VWA5B1: variants seen among roughly 807,000 people sequenced by gnomAD.
VWA5B1 encodes von Willebrand factor A domain-containing protein 5B1.
In VWA5B1, 115 loss-of-function variants were observed where a neutral mutation model predicts 118.2. The ratio of observed to expected loss-of-function variants is 0.97; its 90% CI spans 0.84 to 1.14. The LOEUF is 1.14. VWA5B1 is among the 50% of genes most tolerant of loss of function. VWA5B1 has a pLI of 0.00. For synonymous variants in VWA5B1, 682 were observed against 658.4 expected, an observed-to-expected ratio of 1.04 and a Z score of -0.55; for missense variants, 1,596 against 1,603.8, an observed-to-expected ratio of 1.00 and a Z score of 0.08.
rs200553496 is a variant in VWA5B1 at position 20,292,186 on chromosome 1, T to A, written c.-27+1098T>A. Among the ~76,000 whole-genome samples, 32 of 151,694 alleles carry A rather than the reference T, an allele frequency of 2.1e-4. No homozygotes were observed. In the East Asian group the frequency reaches 5.6e-3, roughly 27 times the overall value. The stretch of plus-strand genomic sequence containing the variant: ...TTTCTTTCCTCCCCCCCTCCTGTCC[T>A]CCCTTACCTCCTTCCTTCTTTTTTT... On this transcript the variant is annotated intron_variant, in intron 1 of 21. Coordinates refer to ENST00000289815, the MANE Select transcript of VWA5B1 (RefSeq NM_001039500.3).
chr1:20,353,785 T>C lies in VWA5B1; in HGVS notation c.3170T>C (p.Phe1057Ser). 1 of 1,468,644 alleles carries C rather than the reference T, an allele frequency of 6.8e-7. No individual in the cohort carries two copies. The highest frequency in any genetic ancestry group is 2.5e-5 in the East Asian group (1 of 40,272). 91.0% of individuals were successfully genotyped at this position (1,468,644 alleles called of 1,614,324 possible). The part of the protein sequence containing the change: ...LVSLQLASGA[F>S]LLNEAFCEAT... ...TCTCTGCAGCTGGCCTCCGGAGCCT[T>C]CCTGCTCAACGAAGCCTTCTGTGAG... is the stretch of plus-strand genomic sequence containing the variant. Residue 1057 changes from phenylalanine (F) to serine (S), a missense_variant, in exon 22 of 22, where the codon TTC becomes TCC. Physicochemically the swap from Phe to Ser is radical, Grantham distance 155. Transcript: ENST00000289815.
chr1:20,345,704 CAG>C (rs1355363676), intron 17 of VWA5B1, 111 bp downstream of exon 17: 3 of 1,408,438 alleles, frequency 2.1e-6, no homozygotes, highest in Admixed American at 6.3e-5. Flanking sequence ...CGGGGTGAGA[CAG>C]GGCCTAGAAG....
intron 12 of VWA5B1, 76 bp downstream of exon 12, chr1:20,333,027 C>A: frequency 6.8e-7 from 1 of 1,478,168 alleles, no homozygotes; most frequent in South Asian, 1.3e-5. Flanking sequence ...GCTGGAAAGA[C>A]TATTTGTGAC....
At chr1:20,307,353 C>T (rs1433785522) in intron 1 of VWA5B1, among the ~76,000 whole-genome samples, 1 of 152,198 alleles carries the variant, frequency 6.6e-6, no homozygotes, top group Non-Finnish European at 1.5e-5. Flanking sequence ...CTCTGGTCCT[C>T]ATGGTCCCCA....
chr1:20,313,107 A>C lies in VWA5B1; in HGVS notation c.292+119A>C, dbSNP rs2088900612. 6 of 1,330,896 alleles carry C rather than the reference A, an allele frequency of 4.5e-6. No homozygotes were observed. In the East Asian group the frequency reaches 1.0e-4, roughly 23 times the overall value. 82.4% of individuals were successfully genotyped at this position (1,330,896 alleles called of 1,614,324 possible). On this transcript the variant is annotated intron_variant, in intron 3 of 21. Coordinates refer to ENST00000289815, the MANE Select transcript of VWA5B1 (RefSeq NM_001039500.3). ...GGGATATGAGGCAGAAAGAGCACTG[A>C]ACTAGTCAAGAATCTTGGACAGAAT...
rs760769912 is a variant in VWA5B1 at position 20,357,465 on chromosome 1, C to T, written c.*3202C>T. Among the ~76,000 whole-genome samples the T allele has an allele frequency of 1.1e-4, 16 of 152,312 alleles. No homozygotes were observed. In the East Asian group the frequency reaches 1.2e-3, roughly 11 times the overall value. On this transcript the variant is annotated 3_prime_UTR_variant, in exon 22 of 22. Transcript: ENST00000289815. The stretch of plus-strand genomic sequence containing the variant: ...TATGTTACTGTGCGTTGTCAGGCTC[C>T]GAGCAGGTGACCCAGCAGCAGCTCT...
intron 1 of VWA5B1, among the ~76,000 whole-genome samples, chr1:20,291,671 G>A (rs184007385): frequency 1.3e-5 from 2 of 152,020 alleles, no homozygotes; most frequent in Admixed American, 6.6e-5. Context: ...CCCGGCAGCC[G>A]GGCTCATGCC....
At position 20,291,359 on chromosome 1, in the gene VWA5B1, T is replaced by TTCTTTCTTTCTTTC. The variant is rs1381113890; in HGVS notation, c.-27+274_-27+275insTTCTTTCTTTCTCT. ...TCTCTCTCTTTCTTTCTTTCTTTCT[T>TTCTTTCTTTCTTTC]TCTCTCTCTCTCTCTCTCTCTCTCT... On this transcript the variant is annotated intron_variant, in intron 1 of 21. Coordinates refer to ENST00000289815, the MANE Select transcript of VWA5B1 (RefSeq NM_001039500.3). 7.9e-4 allele frequency among the ~76,000 whole-genome samples: 82 copies of TTCTTTCTTTCTTTC among 103,398 alleles called. 1 individual carries two copies. Among genetic ancestry groups the TTCTTTCTTTCTTTC allele is most frequent in the African/African-American group, 2.6e-3 (72 of 27,630 alleles). The allele number at this position is 103,398 out of a possible 152,430, so 67.8% of individuals were successfully genotyped here.
chr1:20,337,555 G>T, intron 13 of VWA5B1, 91 bp from the exon 14 acceptor site: 1 of 1,383,838 alleles, frequency 7.2e-7, no homozygotes. Flanking sequence ...GGTGGAGAAC[G>T]TGAGACACTT....
At chr1:20,323,577 G>C in intron 8 of VWA5B1, 45 bp downstream of exon 8, 1 of 1,333,260 alleles carries the variant, frequency 7.5e-7, no homozygotes, top group Non-Finnish European at 9.6e-7. Context: ...GGCTCCAGGG[G>C]AAATCAGCTG....
chr1:20,297,904 A>C (rs959836617), intron 1 of VWA5B1, among the ~76,000 whole-genome samples: 8 of 150,200 alleles, frequency 5.3e-5, no homozygotes, highest in African/African-American at 2.0e-4. Context: ...TAGAGCCCTA[A>C]TTAATTCATG....
chr1:20,310,618 A>C lies in VWA5B1; in HGVS notation c.17A>C (p.Asn6Thr), dbSNP rs376675725. 4.2e-5 allele frequency: 65 copies of C among 1,542,870 alleles called. No homozygotes were observed. In the African/African-American group the frequency reaches 8.5e-4, roughly 20 times the overall value. The change falls in exon 2 of 22, where the codon AAT becomes ACT. Residue 6 changes from asparagine (N) to threonine (T), a missense_variant. Coordinates refer to ENST00000289815, the MANE Select transcript of VWA5B1 (RefSeq NM_001039500.3). ...GCCAGCGGGATGCCCGGCTTGCTGA[A>C]TTGGATCACGGGGGCAGCCCTGCCC... is the stretch of plus-strand genomic sequence containing the variant. The part of the protein sequence containing the change: MPGLL[N>T]WITGAALPLT...
At chr1:20,308,640 T>C (rs965374972) in intron 1 of VWA5B1, among the ~76,000 whole-genome samples, 9 of 152,158 alleles carry the variant, frequency 5.9e-5, no homozygotes, top group African/African-American at 1.2e-4. Context: ...AGAAGGCTAC[T>C]TGGGGAGACA....
rs1396558778 is a variant in VWA5B1 at position 20,356,753 on chromosome 1, C to T, written c.*2490C>T. On this transcript the variant is annotated 3_prime_UTR_variant, in exon 22 of 22. Coordinates refer to ENST00000289815, the MANE Select transcript of VWA5B1 (RefSeq NM_001039500.3). ...CAACCCTGGCTCCCCTGCCCAGCCC[C>T]AAAGGTGCAGAAGAACAAATCTTCA... Among the ~76,000 whole-genome samples, 1 of 152,196 alleles carries T rather than the reference C, an allele frequency of 6.6e-6. No individual in the cohort carries two copies. The highest frequency in any genetic ancestry group is 1.5e-5 in the Non-Finnish European group (1 of 68,040).
chr1:20,313,907 C>T (rs149151334), intron 3 of VWA5B1, among the ~76,000 whole-genome samples: 248 of 152,056 alleles, frequency 1.6e-3, no homozygotes, highest in African/African-American at 5.6e-3. Context: ...GAGGTGTTCA[C>T]GGAGGGGTTG....
At chr1:20,335,917 C>A (rs1170402237) in intron 12 of VWA5B1, among the ~76,000 whole-genome samples, 1 of 152,012 alleles carries the variant, frequency 6.6e-6, no homozygotes, top group Non-Finnish European at 1.5e-5. Context: ...ATAAATGGAC[C>A]CACGCAGTTA....
At chr1:20,310,026 C>T (rs2088799077) in intron 1 of VWA5B1, among the ~76,000 whole-genome samples, 2 of 151,240 alleles carry the variant, frequency 1.3e-5, no homozygotes, top group Admixed American at 1.3e-4. Flanking sequence ...GCCTCTACAC[C>T]TGGAAGAATG....
chr1:20,348,196 A>T (rs1463737801), intron 17 of VWA5B1, 49 bp from the exon 18 acceptor site: 2 of 1,499,100 alleles, frequency 1.3e-6, no homozygotes, highest in Non-Finnish European at 1.8e-6. Flanking sequence ...AAGGCAAAGG[A>T]CTGGCACATT....
intron 14 of VWA5B1, among the ~76,000 whole-genome samples, chr1:20,342,230 T>C (rs1399016437): frequency 2.2e-5 from 3 of 139,032 alleles, no homozygotes; most frequent in African/African-American, 8.2e-5. Flanking sequence ...TCATGGATAA[T>C]GGAGACTGGG....
Sources: allele counts gnomAD v4.1 joint callset (sites outside exome capture counted in the v4.1 genomes callset), GRCh38; gene constraint gnomAD v4.1.1; transcripts MANE v1.5; gene names NCBI Gene and HGNC (gene_info 2026-07-23, HGNC 2026-07-21).